The following RIMS1 variants were observed in gnomAD, a reference collection of about 807,000 sequenced individuals.
RIMS1 encodes regulating synaptic membrane exocytosis protein 1.
In RIMS1, 83 loss-of-function variants were observed where a neutral mutation model predicts 214.1. The ratio of observed to expected loss-of-function variants is 0.39; its 90% CI spans 0.32 to 0.47. The LOEUF (loss-of-function observed/expected upper bound fraction) is 0.47, where lower values mean the gene tolerates loss of function less well. RIMS1 is among the 20% of genes least tolerant of loss of function. RIMS1 has a pLI of 0.99. For missense variants in RIMS1, 2,050 were observed against 2,161.8 expected (o/e 0.95, Z 1.03); for synonymous variants, 793 against 786.8 (o/e 1.01, Z -0.13).
intron 4 of RIMS1, among the ~76,000 whole-genome samples, chr6:72,135,914 C>T (rs996318555): frequency 3.3e-5 from 5 of 152,100 alleles, no homozygotes; most frequent in South Asian, 2.1e-4. Flanking sequence ...AACCCTATTA[C>T]CTGCACAATG....
At chr6:72,315,684 C>G (rs2095743431) in intron 28 of RIMS1, among the ~76,000 whole-genome samples, 1 of 152,020 alleles carries the variant, frequency 6.6e-6, no homozygotes, top group Non-Finnish European at 1.5e-5. Flanking sequence ...GACACACATG[C>G]AGCAGTACAC....
intron 12 of RIMS1, among the ~76,000 whole-genome samples, chr6:72,249,847 A>G (rs2072288025): frequency 1.3e-5 from 2 of 152,168 alleles, no homozygotes; most frequent in Non-Finnish European, 2.9e-5. Context: ...CACAGTAAAT[A>G]TGTTTTATGA....
intron 2 of RIMS1, among the ~76,000 whole-genome samples, chr6:72,075,935 T>A (rs919433043): frequency 6.6e-6 from 1 of 152,160 alleles, no homozygotes; most frequent in African/African-American, 2.4e-5. Context: ...TTCATCCAGC[T>A]AGGGGAAAAA....
intron 22 of RIMS1, among the ~76,000 whole-genome samples, chr6:72,271,299 ATATATATATATATATATG>A (rs1342153422): frequency 9.0e-6 from 1 of 111,314 alleles, no homozygotes; most frequent in Non-Finnish European, 1.9e-5. Context: ...ATATATATAT[ATATATATATATATATATG>A]TTAATTAAAA....
chr6:72,280,413 T>C (rs1350763895), intron 23 of RIMS1, among the ~76,000 whole-genome samples: 2 of 152,060 alleles, frequency 1.3e-5, no homozygotes, highest in Non-Finnish European at 2.9e-5. Context: ...TTCTAAGACA[T>C]GGCTGTGTTA....
At chr6:71,909,691 C>T (rs148124144) in intron 1 of RIMS1, among the ~76,000 whole-genome samples, 2 of 152,256 alleles carry the variant, frequency 1.3e-5, no homozygotes, top group Middle Eastern at 3.4e-3. Flanking sequence ...GCCTATTAAA[C>T]TCTCAGGAAG....
chr6:71,983,661 G>C (rs1799088973), intron 2 of RIMS1, among the ~76,000 whole-genome samples: 1 of 152,096 alleles, frequency 6.6e-6, no homozygotes, highest in African/African-American at 2.4e-5. Context: ...TCTTCTTTGT[G>C]TTTTCTTTCC....
chr6:72,271,609 A>G (rs1016405539), intron 22 of RIMS1, among the ~76,000 whole-genome samples: 1 of 152,094 alleles, frequency 6.6e-6, no homozygotes, highest in African/African-American at 2.4e-5. Context: ...TATTAATAAT[A>G]CACATATACA....
chr6:72,398,352 TA>T lies in RIMS1; in HGVS notation c.4720+4del. On this transcript the variant is annotated splice_donor_region_variant and intron_variant, in intron 32 of 33. Coordinates refer to ENST00000521978, the MANE Select transcript of RIMS1 (RefSeq NM_014989.7). Reference sequence around the variant, plus strand: ...AGCCTGGTTCCAAATCTACACCTGGTAAGGAGAAGTATTCCTGAATTTGGTG... The same window carrying T: ...AGCCTGGTTCCAAATCTACACCTGGTAGGAGAAGTATTCCTGAATTTGGTG... The T allele has an allele frequency of 6.4e-7, 1 of 1,570,746 alleles. No homozygotes were observed. Among genetic ancestry groups the T allele is most frequent in the Non-Finnish European group, 8.7e-7 (1 of 1,150,212 alleles).
At chr6:71,897,907 T>C (rs1772332115) in intron 1 of RIMS1, among the ~76,000 whole-genome samples, 1 of 152,092 alleles carries the variant, frequency 6.6e-6, no homozygotes, top group Non-Finnish European at 1.5e-5. Flanking sequence ...AGTAGGAGGA[T>C]AGAGTGGGAT....
chr6:72,157,679 T>C (rs2044625506), intron 4 of RIMS1, among the ~76,000 whole-genome samples: 2 of 140,542 alleles, frequency 1.4e-5, no homozygotes, highest in African/African-American at 4.9e-5. Context: ...GTAGTCTTTC[T>C]TCTAATTAGC....
chr6:71,995,750 C>T (rs567577215), intron 2 of RIMS1, among the ~76,000 whole-genome samples: 3 of 152,148 alleles, frequency 2.0e-5, no homozygotes, highest in South Asian at 2.1e-4. Flanking sequence ...CCTTACTGCA[C>T]GCAAAAGAAG....
chr6:72,055,209 A>G (rs1363707176), intron 2 of RIMS1, among the ~76,000 whole-genome samples: 1 of 152,136 alleles, frequency 6.6e-6, no homozygotes, highest in Non-Finnish European at 1.5e-5. Flanking sequence ...CTGTCAAGAA[A>G]TTGCTTTTTA....
At chr6:71,893,378 G>A (rs1010191604) in intron 1 of RIMS1, among the ~76,000 whole-genome samples, 2 of 151,786 alleles carry the variant, frequency 1.3e-5, no homozygotes, top group African/African-American at 4.8e-5. Context: ...AAGCAATGTG[G>A]GCAAAGTGAT....
chr6:71,995,008 G>A (rs1757776105), intron 2 of RIMS1, among the ~76,000 whole-genome samples: 1 of 152,144 alleles, frequency 6.6e-6, no homozygotes, highest in Non-Finnish European at 1.5e-5. Flanking sequence ...TCTGAATTAT[G>A]TGAGATCTAT....
intron 2 of RIMS1, among the ~76,000 whole-genome samples, chr6:72,007,582 A>T (rs1284295367): frequency 6.6e-6 from 1 of 152,180 alleles, no homozygotes; most frequent in Non-Finnish European, 1.5e-5. Context: ...TTGAAAACAG[A>T]TTAGACGAAT....
chr6:72,155,043 G>A (rs2044253758), intron 4 of RIMS1, among the ~76,000 whole-genome samples: 1 of 139,618 alleles, frequency 7.2e-6, no homozygotes, highest in African/African-American at 2.5e-5. Context: ...CCTCTCATGG[G>A]CACCCCAAAT....
intron 29 of RIMS1, among the ~76,000 whole-genome samples, chr6:72,379,952 G>GT (rs1282045133): frequency 3.9e-5 from 6 of 151,982 alleles, no homozygotes; most frequent in African/African-American, 1.4e-4. Context: ...TTAAATAAAA[G>GT]TTTTTAAAAA....
At chr6:71,951,481 T>TTTCTTTTTCTTTC (rs1287207574) in intron 1 of RIMS1, among the ~76,000 whole-genome samples, 1 of 112,618 alleles carries the variant, frequency 8.9e-6, no homozygotes, top group African/African-American at 3.1e-5. Flanking sequence ...TCTTTTTCTT[T>TTTCTTTTTCTTTC]TTTTTTTTTT....
Sources: gnomAD v4.1 joint callset for allele counts (sites outside exome capture counted in the v4.1 genomes callset) on GRCh38, gnomAD v4.1.1 for gene constraint, MANE v1.5 for transcripts, NCBI Gene and HGNC (gene_info 2026-07-23, HGNC 2026-07-21) for gene names.